Variants in C8orf34 observed in about 807,000 individuals in gnomAD.
The protein encoded by C8orf34 is uncharacterized protein C8orf34.
In C8orf34, 65 loss-of-function variants were observed where a neutral mutation model predicts 68.3. That is an observed-to-expected ratio of 0.95 (90% confidence interval 0.78 to 1.17). The LOEUF (loss-of-function observed/expected upper bound fraction) is 1.17, where lower values mean the gene tolerates loss of function less well. Ranked by LOEUF, C8orf34 falls within the 50% of genes most tolerant of loss-of-function variation. The probability of loss-of-function intolerance (pLI) is 0.00; values close to 1 mark genes in which losing one functional copy is unlikely to be tolerated. For missense variants in C8orf34, 664 were observed against 655.4 expected, an observed-to-expected ratio of 1.01 and a Z score of -0.14; for synonymous variants, 244 against 241.2, an observed-to-expected ratio of 1.01 and a Z score of -0.11.
Position 68,625,502 on chromosome 8 carries a change from T to A in C8orf34, c.1106-14874T>A. ...TGAAAATGGTCTTGTAAAATTCCACTTGGGGTGGCGATGCTTTGTGGCTTG... is the reference window on the plus strand; with the variant it reads ...TGAAAATGGTCTTGTAAAATTCCACATGGGGTGGCGATGCTTTGTGGCTTG... On this transcript the variant is annotated intron_variant, in intron 7 of 13. Coordinates refer to ENST00000518698, the MANE Select transcript of C8orf34 (RefSeq NM_052958.4). The A allele has an allele frequency of 5.0e-6, 3 of 597,802 alleles. 1 individual carries two copies. The highest frequency in any genetic ancestry group is 9.1e-6 in the Non-Finnish European group (3 of 327,918). The allele number at this position is 597,802 out of a possible 1,614,324, so 37.0% of individuals were successfully genotyped here.
intron 1 of C8orf34, among the ~76,000 whole-genome samples, chr8:68,388,826 G>T (rs558915091): frequency 6.6e-6 from 1 of 152,152 alleles, no homozygotes; most frequent in South Asian, 2.1e-4. Context: ...GATGTAAAGT[G>T]GTACCCCAAA....
At chr8:68,463,121 C>G (rs1811925872) in intron 3 of C8orf34, among the ~76,000 whole-genome samples, 1 of 152,058 alleles carries the variant, frequency 6.6e-6, no homozygotes, top group Non-Finnish European at 1.5e-5. Flanking sequence ...CACCACTGAT[C>G]CCACAGAAAT....
intron 7 of C8orf34, among the ~76,000 whole-genome samples, chr8:68,632,975 C>G (rs1818735726): frequency 6.6e-6 from 1 of 152,128 alleles, no homozygotes; most frequent in African/African-American, 2.4e-5. Flanking sequence ...CAGGTATTGG[C>G]TATTGCTACC....
chr8:68,461,748 T>G (rs1444541572), intron 3 of C8orf34, among the ~76,000 whole-genome samples: 1 of 152,160 alleles, frequency 6.6e-6, no homozygotes, highest in Non-Finnish European at 1.5e-5. Flanking sequence ...TGCTGAAAGA[T>G]TTTGTCACCA....
At chr8:68,562,619 C>T (rs1321809204) in intron 7 of C8orf34, among the ~76,000 whole-genome samples, 2 of 152,150 alleles carry the variant, frequency 1.3e-5, no homozygotes, top group African/African-American at 4.8e-5. Flanking sequence ...CATAGAGATA[C>T]ATTGTAAGCA....
intron 7 of C8orf34, among the ~76,000 whole-genome samples, chr8:68,584,276 T>C (rs1817145009): frequency 6.6e-6 from 1 of 151,982 alleles, no homozygotes; most frequent in Non-Finnish European, 1.5e-5. Flanking sequence ...CAAAAAGCCC[T>C]CCATCCTGAT....
chr8:68,463,792 C>T (rs1198370306), intron 3 of C8orf34, among the ~76,000 whole-genome samples: 1 of 152,114 alleles, frequency 6.6e-6, no homozygotes, highest in African/African-American at 2.4e-5. Context: ...GGACGTATCT[C>T]AAAATAATAA....
At chr8:68,624,244 C>T (rs1818470142) in intron 7 of C8orf34, among the ~76,000 whole-genome samples, 3 of 149,794 alleles carry the variant, frequency 2.0e-5, no homozygotes, top group Admixed American at 6.6e-5. Flanking sequence ...TGCACTCCAG[C>T]CTGGGGGACA....
chr8:68,559,025 G>C (rs1816340788), intron 7 of C8orf34, among the ~76,000 whole-genome samples: 1 of 152,166 alleles, frequency 6.6e-6, no homozygotes, highest in Non-Finnish European at 1.5e-5. Flanking sequence ...GAGTTAGAAA[G>C]GTGGGTTTTC....
In C8orf34 at chr8:68,331,242, C is replaced by T. The variant is rs1358223844; in HGVS notation, c.230C>T (p.Ala77Val). ...GGCGCACAGCCGCGCGTTCTCCCTG[C>T]ACTCTCTTCGCGGTCCCATCTGTTC... is the stretch of plus-strand genomic sequence containing the variant. ...SGGAQPRVLP[A>V]LSSRSHLFPM... Residue 77 changes from alanine to valine, a missense_variant, in exon 1 of 14, where the codon GCA becomes GTA. Physicochemically the swap from Ala to Val is moderately conservative, Grantham distance 64. Coordinates refer to ENST00000518698, the MANE Select transcript of C8orf34 (RefSeq NM_052958.4). 6.5e-7 allele frequency: 1 copy of T among 1,536,204 alleles called. No homozygotes were observed. The highest frequency in any genetic ancestry group is 8.7e-7 in the Non-Finnish European group (1 of 1,146,960).
chr8:68,528,210 C>T (rs1050774062), intron 6 of C8orf34, among the ~76,000 whole-genome samples: 1 of 152,134 alleles, frequency 6.6e-6, no homozygotes, highest in Non-Finnish European at 1.5e-5. Flanking sequence ...ACCTACTCTT[C>T]GCCATGTATC....
intron 7 of C8orf34, among the ~76,000 whole-genome samples, chr8:68,561,501 A>T (rs973605243): frequency 6.6e-6 from 1 of 152,194 alleles, no homozygotes; most frequent in Non-Finnish European, 1.5e-5. Context: ...TCACGCTTGT[A>T]ATCCCAGCAC....
rs145345142 is a variant in C8orf34, at chr8:68,508,898, G to A, written c.766-12901G>A. Among the ~76,000 whole-genome samples, 1,286 of 152,190 alleles carry A rather than the reference G, an allele frequency of 8.4e-3. 10 individuals are homozygous for A. The highest frequency in any genetic ancestry group is 0.037 in the South Asian group (180 of 4,822). On this transcript the variant is annotated intron_variant, in intron 5 of 13. Transcript: ENST00000518698. ...AGAAAAGGGGGAAACAGGGACTCTCGCTAGGCCAGAGTCCCTGCTAGAGTG... is the reference window on the plus strand; with the variant it reads ...AGAAAAGGGGGAAACAGGGACTCTCACTAGGCCAGAGTCCCTGCTAGAGTG...
intron 1 of C8orf34, among the ~76,000 whole-genome samples, chr8:68,342,191 A>G (rs894385438): frequency 2.0e-5 from 3 of 152,194 alleles, no homozygotes; most frequent in Non-Finnish European, 4.4e-5. Flanking sequence ...TCATAAACAT[A>G]ATATTTGTCA....
chr8:68,771,464 T>C (rs1823332865), intron 10 of C8orf34, among the ~76,000 whole-genome samples: 1 of 152,194 alleles, frequency 6.6e-6, no homozygotes, highest in Non-Finnish European at 1.5e-5. Flanking sequence ...TGTTGATATC[T>C]CTGTATCTGA....
At chr8:68,547,153 AG>A (rs1815911759) in intron 7 of C8orf34, among the ~76,000 whole-genome samples, 1 of 151,864 alleles carries the variant, frequency 6.6e-6, no homozygotes, top group Non-Finnish European at 1.5e-5. Context: ...CAAAGAAAAA[AG>A]TAGAGAACCA....
At chr8:68,701,705 A>G (rs1026520000) in intron 8 of C8orf34, among the ~76,000 whole-genome samples, 6 of 151,982 alleles carry the variant, frequency 3.9e-5, no homozygotes, top group Non-Finnish European at 7.4e-5. Flanking sequence ...AAGTCCCATC[A>G]TGTCACTTCT....
chr8:68,370,210 T>C (rs1019937044), intron 1 of C8orf34, among the ~76,000 whole-genome samples: 10 of 152,218 alleles, frequency 6.6e-5, no homozygotes, highest in Non-Finnish European at 1.5e-4. Flanking sequence ...GTTATATTTC[T>C]GTAGGCTGCC....
At chr8:68,520,011 A>G (rs1226222224) in intron 5 of C8orf34, among the ~76,000 whole-genome samples, 1 of 152,216 alleles carries the variant, frequency 6.6e-6, no homozygotes, top group Non-Finnish European at 1.5e-5. Flanking sequence ...TTCTTCAAAT[A>G]ATATTAAATT....
Sources: gnomAD v4.1 joint callset for allele counts (sites outside exome capture counted in the v4.1 genomes callset) on GRCh38, gnomAD v4.1.1 for gene constraint, MANE v1.5 for transcripts, NCBI Gene and HGNC (gene_info 2026-07-23, HGNC 2026-07-21) for gene names.